RNF212: variants seen among roughly 807,000 people sequenced by gnomAD.
RNF212 encodes probable E3 SUMO-protein ligase RNF212.
In RNF212, 33 loss-of-function variants were observed where a neutral mutation model predicts 34.7. That is an observed-to-expected ratio of 0.95 (90% CI 0.72 to 1.27). The LOEUF (loss-of-function observed/expected upper bound fraction) is 1.27, where lower values mean the gene tolerates loss of function less well. Among genes scored for constraint, RNF212 ranks in the 50% most tolerant of loss-of-function variants. The pLI is 0.00. For missense variants in RNF212, 377 were observed against 362.2 expected (o/e 1.04, Z -0.33); for synonymous variants, 140 against 136.1 (o/e 1.03, Z -0.20).
intron 8 of RNF212, among the ~76,000 whole-genome samples, chr4:1,074,212 G>C (rs1001768081): frequency 6.6e-6 from 1 of 152,182 alleles, no homozygotes; most frequent in East Asian, 1.9e-4. Context: ...TCTGAGACTG[G>C]TAAGGGAGGC....
chr4:1,093,365 T>C, intron 3 of RNF212: 1 of 1,140,576 alleles, frequency 8.8e-7, no homozygotes. Context: ...CATGATGTGT[T>C]AACATATTGT....
At chr4:1,057,117 T>G in intron 4 of RNF212, 2 of 391,564 alleles carry the variant, frequency 5.1e-6, no homozygotes, top group Non-Finnish European at 7.0e-6. Flanking sequence ...AAGGCATCTC[T>G]GAGAACCTCG....
chr4:1,064,590 G>A (rs1223607009), intron 3 of RNF212, among the ~76,000 whole-genome samples: 1 of 152,166 alleles, frequency 6.6e-6, no homozygotes, highest in Non-Finnish European at 1.5e-5. Context: ...CCTCTTTTGT[G>A]TGTGTGCAGA....
intron 2 of RNF212, among the ~76,000 whole-genome samples, chr4:1,098,197 C>T (rs947122817): frequency 1.3e-5 from 2 of 151,858 alleles, no homozygotes; most frequent in Admixed American, 1.3e-4. Context: ...AGAGTCAAGA[C>T]AGTCATCTAA....
intron 1 of RNF212, among the ~76,000 whole-genome samples, 173 bp from the exon 2 acceptor site, chr4:1,108,577 G>A (rs73063723): frequency 6.6e-6 from 1 of 152,122 alleles, no homozygotes; most frequent in Non-Finnish European, 1.5e-5. Flanking sequence ...AGGATTTATA[G>A]AACTAACATT....
Position 1,108,328 on chromosome 4 carries a change from C to T in RNF212, c.171+15G>A. The T allele has an allele frequency of 6.8e-7, 1 of 1,468,878 alleles. No homozygotes were observed. Among genetic ancestry groups the T allele is most frequent in the Non-Finnish European group, 9.1e-7 (1 of 1,102,510 alleles). 91.0% of individuals were successfully genotyped at this position (1,468,878 alleles called of 1,614,324 possible). A position where few individuals can be genotyped will look rare whatever the true frequency, so the allele number is the denominator to read the frequency against. On this transcript the variant is annotated intron_variant, in intron 2 of 9. Coordinates refer to ENST00000433731, the MANE Select transcript of RNF212 (RefSeq NM_001131034.4). ...GACTGTGATTAAGATGCAGATACGA[C>T]ACATTTCAACTTACATGCTTTGAAA...
At chr4:1,082,225 C>T (rs1332423546) in intron 5 of RNF212, among the ~76,000 whole-genome samples, 1 of 152,166 alleles carries the variant, frequency 6.6e-6, no homozygotes, top group Non-Finnish European at 1.5e-5. Flanking sequence ...TCACGTTTTC[C>T]AGTCTAGCAA....
chr4:1,109,620 G>A (rs1725341583), intron 1 of RNF212, among the ~76,000 whole-genome samples: 1 of 152,122 alleles, frequency 6.6e-6, no homozygotes, highest in Admixed American at 6.5e-5. Flanking sequence ...GCTTTTCCTG[G>A]GTATTTTCTG....
chr4:1,058,613 C>T (rs2045066), intron 3 of RNF212, among the ~76,000 whole-genome samples: 122,330 of 152,162 alleles, frequency 0.8, 49,765 homozygotes, highest in African/African-American at 0.92. Flanking sequence ...GGGTCTTCCA[C>T]ATGAGGGCGT....
intron 4 of RNF212, among the ~76,000 whole-genome samples, chr4:1,086,521 T>C: frequency 7.3e-6 from 1 of 136,720 alleles, no homozygotes; most frequent in Non-Finnish European, 1.6e-5. Flanking sequence ...AGGCAGGGTT[T>C]TGGGTGGCTG....
intron 8 of RNF212, among the ~76,000 whole-genome samples, chr4:1,076,062 C>T (rs1438852297): frequency 2.0e-5 from 3 of 152,196 alleles, no homozygotes; most frequent in Non-Finnish European, 2.9e-5. Context: ...GTCAATTTTA[C>T]ATAATAGAAA....
In RNF212 at chr4:1,085,570, G is replaced by A. The variant is rs1577704121; in HGVS notation, c.362+326C>T. 3 of 413,028 alleles carry A rather than the reference G, an allele frequency of 7.3e-6. No individual in the cohort carries two copies. In the East Asian group the frequency reaches 1.3e-4, roughly 18 times the overall value. The allele number at this position is 413,028 out of a possible 1,614,324, so 25.6% of individuals were successfully genotyped here. A position where few individuals can be genotyped will look rare whatever the true frequency, so the allele number is the denominator to read the frequency against. The stretch of plus-strand genomic sequence containing the variant: ...TGGAGTCCCGCAGTCCCTGGCTGCA[G>A]GGCCACCCCACCTGTGCTGGGTCAC... On this transcript the variant is annotated intron_variant, in intron 5 of 9. Coordinates refer to ENST00000433731, the MANE Select transcript of RNF212 (RefSeq NM_001131034.4).
chr4:1,056,597 A>C, intron 4 of RNF212: 9 of 568,812 alleles, frequency 1.6e-5, no homozygotes, highest in Non-Finnish European at 2.0e-5. Context: ...AAAAATTCAG[A>C]TGTCATCTTA....
downstream of RNF212, among the ~76,000 whole-genome samples, chr4:1,070,089 T>A (rs1718351993): frequency 6.7e-6 from 1 of 149,078 alleles, no homozygotes; most frequent in African/African-American, 2.5e-5. Context: ...ACGGGTGGTT[T>A]CCTAGGACTG....
intron 2 of RNF212, chr4:1,099,671 T>C: frequency 8.9e-6 from 4 of 450,038 alleles, no homozygotes; most frequent in South Asian, 1.6e-5. Flanking sequence ...GGGGGGTGTG[T>C]GCGCCACAAT....
chr4:1,073,450 T>C, intron 9 of RNF212, 149 bp downstream of exon 9: 1 of 732,496 alleles, frequency 1.4e-6, no homozygotes, highest in Admixed American at 2.5e-5. Context: ...GCTGCACCAT[T>C]TTGGTGAATA....
intron 3 of RNF212, among the ~76,000 whole-genome samples, chr4:1,092,103 C>A (rs1395216277): frequency 6.6e-6 from 1 of 152,394 alleles, no homozygotes; most frequent in East Asian, 1.9e-4. Flanking sequence ...CTCCAAAGCA[C>A]CCTCAGCAGG....
downstream of RNF212, among the ~76,000 whole-genome samples, chr4:1,069,121 G>T (rs1020950867): frequency 6.6e-6 from 1 of 151,794 alleles, no homozygotes; most frequent in African/African-American, 2.4e-5. Flanking sequence ...TGAGGCACAA[G>T]AATCGCTTGA....
At position 1,072,849 on chromosome 4, in the gene RNF212, T is replaced by C. The variant is rs1389657237; in HGVS notation, c.*25A>G. The C allele has an allele frequency of 1.3e-6, 2 of 1,548,402 alleles. No homozygotes were observed. The highest frequency in any genetic ancestry group is 2.4e-5 in the South Asian group (2 of 83,626). On this transcript the variant is annotated 3_prime_UTR_variant, in exon 10 of 10. Transcript: ENST00000433731. ...AGGAATAAATTGAAAACACTCAGAA[T>C]CATTAATAGTCACATAAATGCAAAT...
Sources: allele counts gnomAD v4.1 joint callset (sites outside exome capture counted in the v4.1 genomes callset), GRCh38; gene constraint gnomAD v4.1.1; transcripts MANE v1.5; gene names NCBI Gene and HGNC (gene_info 2026-07-23, HGNC 2026-07-21).